Variants in OR51B5 observed in about 807,000 individuals in gnomAD.
The protein encoded by OR51B5 is olfactory receptor 51B5.
For missense variants in OR51B5, 456 were observed against 374.6 expected, an observed-to-expected ratio of 1.22 and a Z score of -1.79; for synonymous variants, 186 against 144.8, an observed-to-expected ratio of 1.28 and a Z score of -2.04.
At chr11:5,375,556 C>G (rs538257779) in intron 1 of OR51B5, among the ~76,000 whole-genome samples, 2 of 152,242 alleles carry the variant, frequency 1.3e-5, no homozygotes, top group Admixed American at 1.3e-4. Flanking sequence ...AGAGTGTATT[C>G]AGGAAACCCA....
chr11:5,453,220 T>C (rs572031663), intron 1 of OR51B5: 41 of 299,822 alleles, frequency 1.4e-4, no homozygotes, highest in East Asian at 1.7e-4. Context: ...ATTTCTATTA[T>C]TGAAGTATTT....
At chr11:5,349,462 A>G (rs1849041490) in intron 1 of OR51B5, among the ~76,000 whole-genome samples, 1 of 152,032 alleles carries the variant, frequency 6.6e-6, no homozygotes, top group Admixed American at 6.6e-5. Context: ...ACAATTAACT[A>G]GATTAATGTT....
At chr11:5,368,008 T>C (rs925031198) in intron 1 of OR51B5, among the ~76,000 whole-genome samples, 1 of 152,214 alleles carries the variant, frequency 6.6e-6, no homozygotes, top group Non-Finnish European at 1.5e-5. Context: ...GCTACTTCTC[T>C]TCTAATTATA....
intron 1 of OR51B5, among the ~76,000 whole-genome samples, chr11:5,475,208 C>T (rs1244103232): frequency 6.6e-6 from 1 of 152,146 alleles, no homozygotes; most frequent in East Asian, 1.9e-4. Flanking sequence ...CATATTACAT[C>T]AATATTAAGT....
intron 1 of OR51B5, among the ~76,000 whole-genome samples, chr11:5,480,735 T>C (rs1339097584): frequency 6.6e-6 from 1 of 150,474 alleles, no homozygotes; most frequent in African/African-American, 2.4e-5. Flanking sequence ...AACACCTCTA[T>C]GGAAATAAAC....
chr11:5,401,427 C>A (rs1027447097), intron 1 of OR51B5, among the ~76,000 whole-genome samples: 1 of 152,198 alleles, frequency 6.6e-6, no homozygotes, highest in African/African-American at 2.4e-5. Context: ...CTAGTTGACT[C>A]CTAGAATTTT....
intron 1 of OR51B5, among the ~76,000 whole-genome samples, chr11:5,491,677 C>G (rs1426274666): frequency 1.3e-5 from 2 of 152,194 alleles, no homozygotes; most frequent in Admixed American, 6.5e-5. Flanking sequence ...CAATCTCAAT[C>G]AATTGTTACT....
Position 5,500,402 on chromosome 11 carries a change from T to TGTGTG in OR51B5, n.84+5166_84+5167insCACAC, listed in dbSNP as rs1554898595. ...TGTTTCCCTGAAAAACAGACAACTG[T>TGTGTG]AAAATACCAATTATATTGCTAGTGT... On this transcript the variant is annotated intron_variant and non_coding_transcript_variant, in intron 1 of 4. Transcript: ENST00000415970. 6.4e-3 allele frequency among the ~76,000 whole-genome samples: 959 copies of TGTGTG among 149,962 alleles called. 145 individuals are homozygous for TGTGTG. Among genetic ancestry groups the TGTGTG allele is most frequent in the Admixed American group, 0.01 (153 of 14,744 alleles).
intron 1 of OR51B5, among the ~76,000 whole-genome samples, chr11:5,414,789 C>A (rs1489009797): frequency 2.6e-5 from 4 of 152,134 alleles, no homozygotes; most frequent in Non-Finnish European, 5.9e-5. Flanking sequence ...TCCTTAGTGA[C>A]CTACAAAGAG....
At chr11:5,426,538 C>T (rs1015673124) in intron 1 of OR51B5, among the ~76,000 whole-genome samples, 2 of 151,928 alleles carry the variant, frequency 1.3e-5, no homozygotes, top group Non-Finnish European at 2.9e-5. Context: ...ATCTGTTAGA[C>T]TAAAGGCAAA....
chr11:5,384,062 A>G (rs1849648989), intron 1 of OR51B5: 1 of 152,220 alleles, frequency 6.6e-6, no homozygotes, highest in Non-Finnish European at 1.5e-5. Context: ...TCTCAGTTAC[A>G]ATTAAGGCTT....
chr11:5,398,584 G>A (rs1351418676), intron 1 of OR51B5, among the ~76,000 whole-genome samples: 1 of 152,158 alleles, frequency 6.6e-6, no homozygotes, highest in Non-Finnish European at 1.5e-5. Context: ...ATATGGCTTG[G>A]CTCTGTGTCT....
At chr11:5,360,950 T>C (rs1403962416) in intron 1 of OR51B5, among the ~76,000 whole-genome samples, 1 of 143,318 alleles carries the variant, frequency 7.0e-6, no homozygotes, top group African/African-American at 2.6e-5. Flanking sequence ...TGAGAACACA[T>C]GGACACAGGA....
chr11:5,492,265 C>T (rs1851592433), intron 1 of OR51B5, among the ~76,000 whole-genome samples: 1 of 151,914 alleles, frequency 6.6e-6, no homozygotes, highest in Admixed American at 6.6e-5. Context: ...CACACATTTT[C>T]TTGTATATGT....
At chr11:5,397,128 C>A (rs1397816365) in intron 1 of OR51B5, among the ~76,000 whole-genome samples, 1 of 152,180 alleles carries the variant, frequency 6.6e-6, no homozygotes, top group Non-Finnish European at 1.5e-5. Flanking sequence ...CAATACCATT[C>A]AGGACATAGG....
chr11:5,425,627 T>A (rs564474669), intron 1 of OR51B5, among the ~76,000 whole-genome samples: 8 of 152,192 alleles, frequency 5.3e-5, no homozygotes, highest in Admixed American at 1.3e-4. Flanking sequence ...GGGAAATGTG[T>A]CTGCAAAATT....
intron 1 of OR51B5, chr11:5,469,290 T>C (rs1851188491): frequency 6.5e-6 from 1 of 154,832 alleles, no homozygotes. Context: ...AGGATGAGGA[T>C]GTTGCCCAGG....
intron 1 of OR51B5, among the ~76,000 whole-genome samples, chr11:5,382,197 T>C (rs954852344): frequency 1.3e-5 from 2 of 152,222 alleles, no homozygotes; most frequent in African/African-American, 4.8e-5. Flanking sequence ...CTCTTAAATG[T>C]TATATTTGAT....
intron 1 of OR51B5, chr11:5,355,179 T>TCTGTCTAAGGCAGA (rs1849171504): frequency 5.9e-6 from 1 of 170,378 alleles, no homozygotes; most frequent in African/African-American, 2.4e-5. Context: ...GATAGGAGCC[T>TCTGTCTAAGGCAGA]CTGTCTAAGG....
Sources: gnomAD v4.1 joint callset for allele counts (sites outside exome capture counted in the v4.1 genomes callset) on GRCh38, gnomAD v4.1.1 for gene constraint, MANE v1.5 for transcripts, NCBI Gene and HGNC (gene_info 2026-07-23, HGNC 2026-07-21) for gene names.